PIK3AP1: variants seen among roughly 807,000 people sequenced by gnomAD.
PIK3AP1 encodes phosphoinositide 3-kinase adapter protein 1.
PIK3AP1 carries 21 observed loss-of-function variants against 88.1 expected under a neutral mutation model. The observed-to-expected ratio is 0.24, with a 90% CI of 0.17 to 0.34. PIK3AP1 has a LOEUF of 0.34. PIK3AP1 is among the 10% of genes least tolerant of loss of function. The pLI, the probability that PIK3AP1 is intolerant of heterozygous loss-of-function variation, is 1.00. For missense variants in PIK3AP1, 828 were observed against 1,035.7 expected, an observed-to-expected ratio of 0.80 and a Z score of 2.75; for synonymous variants, 398 against 400.0, an observed-to-expected ratio of 1.00 and a Z score of 0.06.
Position 96,648,738 on chromosome 10 carries a change from T to C in PIK3AP1, c.1106A>G (p.Asn369Ser). ...PGALQAYSVA[N>S]KHGHYPNTIA... ...GGTGTTGGGGTAGTGGCCATGCTTG[T>C]TGGCCACGCTGTACGCCTGCAGGGC... Residue 369 changes from asparagine (N) to serine (S), a missense_variant, in exon 7 of 17, where the codon AAC (asparagine) becomes AGC (serine). Asn to Ser is a conservative substitution (Grantham distance 46). Coordinates refer to ENST00000339364, the MANE Select transcript of PIK3AP1 (RefSeq NM_152309.3). 2 of 1,611,244 alleles carry C rather than the reference T, an allele frequency of 1.2e-6. No homozygotes were observed.
intron 2 of PIK3AP1, among the ~76,000 whole-genome samples, chr10:96,693,665 T>C (rs1055094997): frequency 3.9e-5 from 6 of 152,242 alleles, no homozygotes; most frequent in Non-Finnish European, 8.8e-5. Flanking sequence ...CACCAGATCT[T>C]ACATATGCTA....
intron 6 of PIK3AP1, among the ~76,000 whole-genome samples, chr10:96,649,201 GC>G (rs1464811485): frequency 2.6e-5 from 4 of 151,972 alleles, no homozygotes; most frequent in Non-Finnish European, 1.5e-5. Context: ...TGTGCATCAC[GC>G]CCAGCTAATT....
At chr10:96,706,847 C>T (rs1460270634) in intron 2 of PIK3AP1, among the ~76,000 whole-genome samples, 1 of 152,158 alleles carries the variant, frequency 6.6e-6, no homozygotes, top group African/African-American at 2.4e-5. Flanking sequence ...TATGGAATAC[C>T]CAAAAAGCAA....
At chr10:96,714,899 T>C (rs1435920593) in intron 1 of PIK3AP1, among the ~76,000 whole-genome samples, 1 of 152,154 alleles carries the variant, frequency 6.6e-6, no homozygotes, top group Non-Finnish European at 1.5e-5. Context: ...CTCCCATGCA[T>C]AACAATTCTG....
In PIK3AP1 at chr10:96,720,470, G is replaced by C. The variant is rs1402270182; in HGVS notation, c.-76C>G. ...ACCGGGGCCGGCGGCGTCCTGGCTC[G>C]GGCTGGAGGGGCGCCGGGCTCCGCG... On this transcript the variant is annotated 5_prime_UTR_variant, in exon 1 of 17. Transcript: ENST00000339364. This position sits in a 1 kb window ranked among gnomAD's most constrained non-coding sequence, Gnocchi z 4.6. The C allele has an allele frequency of 8.5e-7, 1 of 1,180,282 alleles. No homozygotes were observed. The allele number at this position is 1,180,282 out of a possible 1,614,324, so 73.1% of individuals were successfully genotyped here. A position where few individuals can be genotyped will look rare whatever the true frequency, so the allele number is the denominator to read the frequency against.
chr10:96,662,888 C>CAAAAAAAAAAAAA (rs749898725), intron 2 of PIK3AP1, among the ~76,000 whole-genome samples: 2 of 22,572 alleles, frequency 8.9e-5, no homozygotes, highest in African/African-American at 1.8e-4. Context: ...GACTCCGTCT[C>CAAAAAAAAAAAAA]AAAAAAAAAA....
intron 2 of PIK3AP1, among the ~76,000 whole-genome samples, chr10:96,662,724 CA>C (rs1357834715): frequency 7.4e-4 from 108 of 146,082 alleles, no homozygotes; most frequent in African/African-American, 2.5e-3. Context: ...ACTAAAAATA[CA>C]AAAAAAATTA....
rs766637556 is a variant in PIK3AP1, at chr10:96,692,534, T to G, written c.430+17033A>C. Among the ~76,000 whole-genome samples the G allele has an allele frequency of 4.6e-5, 7 of 150,896 alleles. 1 individual carries two copies. The highest frequency in any genetic ancestry group is 1.0e-4 in the Non-Finnish European group (7 of 67,860). On this transcript the variant is annotated intron_variant, in intron 2 of 16. Transcript: ENST00000339364. The stretch of plus-strand genomic sequence containing the variant: ...GATTGCAGTGAGCCGAGATCGCCAC[T>G]GCACTCCAGCTTACTCTGACAGAGC...
At chr10:96,670,941 T>A (rs549393435) in intron 2 of PIK3AP1, among the ~76,000 whole-genome samples, 9 of 152,290 alleles carry the variant, frequency 5.9e-5, no homozygotes, top group Non-Finnish European at 1.0e-4. Flanking sequence ...CAAGTCAACA[T>A]CCTGCCCTAT....
Position 96,648,820 on chromosome 10 carries a change from A to G in PIK3AP1, c.1024T>C (p.Phe342Leu). ...RDEELPTLLH[F>L]AAKYGLKNLT... is the part of the protein sequence containing the mutation. ...TTCTTCAGTCCATACTTCGCAGCAA[A>G]ATGCAACAGGGTGGGCAGCTCTTCA... The change falls in exon 7 of 17, where the codon TTT becomes CTT. Residue 342 changes from phenylalanine (F) to leucine (L), a missense_variant. Transcript: ENST00000339364. 3 of 1,593,804 alleles carry G rather than the reference A, an allele frequency of 1.9e-6. No individual in the cohort carries two copies. The highest frequency in any genetic ancestry group is 2.6e-6 in the Non-Finnish European group (3 of 1,171,592).
At chr10:96,625,897 C>T (rs918535854) in intron 10 of PIK3AP1, among the ~76,000 whole-genome samples, 3 of 152,074 alleles carry the variant, frequency 2.0e-5, no homozygotes, top group African/African-American at 7.2e-5. Context: ...TCAGTGCGGG[C>T]CATCACACCT....
chr10:96,644,060 G>A (rs1368842835), intron 8 of PIK3AP1, among the ~76,000 whole-genome samples: 1 of 152,192 alleles, frequency 6.6e-6, no homozygotes, highest in Non-Finnish European at 1.5e-5. Context: ...TTCAACTCCA[G>A]TACGTGCGTG....
intron 2 of PIK3AP1, among the ~76,000 whole-genome samples, chr10:96,665,669 A>G (rs1350164269): frequency 6.6e-5 from 10 of 152,210 alleles, no homozygotes; most frequent in Non-Finnish European, 1.3e-4. Context: ...TGACCACGTT[A>G]TAAAGGGGGT....
At chr10:96,677,810 GGGATCA>G (rs1412194305) in intron 2 of PIK3AP1, among the ~76,000 whole-genome samples, 6 of 152,098 alleles carry the variant, frequency 3.9e-5, no homozygotes, top group Admixed American at 3.9e-4. Context: ...AATCAACATT[GGGATCA>G]GGATCAAGAA....
At chr10:96,647,745 C>T (rs550660844) in intron 7 of PIK3AP1, among the ~76,000 whole-genome samples, 31 of 152,242 alleles carry the variant, frequency 2.0e-4, no homozygotes, top group East Asian at 7.7e-4. Flanking sequence ...GTCTGGAGGT[C>T]GAGAGCAAGA....
chr10:96,653,278 GC>G (rs1468327307), intron 3 of PIK3AP1, among the ~76,000 whole-genome samples: 1 of 150,852 alleles, frequency 6.6e-6, no homozygotes, highest in Non-Finnish European at 1.5e-5. Context: ...GGTGGTGGGT[GC>G]CTGTAGTTCC....
intron 2 of PIK3AP1, among the ~76,000 whole-genome samples, chr10:96,669,870 T>C (rs1490563984): frequency 1.3e-5 from 2 of 151,982 alleles, no homozygotes; most frequent in East Asian, 1.9e-4. Flanking sequence ...ATTAAGTTAA[T>C]GTTTCTAAGT....
At chr10:96,688,203 C>A (rs1844100421) in intron 2 of PIK3AP1, among the ~76,000 whole-genome samples, 1 of 152,136 alleles carries the variant, frequency 6.6e-6, no homozygotes, top group Admixed American at 6.5e-5. Context: ...CTCCTCCCAG[C>A]CAATGTCATT....
chr10:96,669,001 A>T (rs1360177232), intron 2 of PIK3AP1, among the ~76,000 whole-genome samples: 3 of 152,116 alleles, frequency 2.0e-5, no homozygotes, highest in East Asian at 1.9e-4. Context: ...GCGTGGTGGC[A>T]CACGCCTGTA....
Sources: allele counts gnomAD v4.1 joint callset (sites outside exome capture counted in the v4.1 genomes callset), GRCh38; gene constraint gnomAD v4.1.1; non-coding constraint Gnocchi (gnomAD v3.1); transcripts MANE v1.5; gene names NCBI Gene and HGNC (gene_info 2026-07-23, HGNC 2026-07-21).